The following NLGN4X variants were observed in gnomAD, a reference collection of about 807,000 sequenced individuals.
NLGN4X encodes the protein neuroligin 4 X-linked.
NLGN4X carries 3 observed loss-of-function variants against 40.3 expected under a neutral mutation model. That is an observed-to-expected ratio of 0.07 (90% CI 0.03 to 0.19). The LOEUF is 0.19. NLGN4X is among the 10% of genes least tolerant of loss of function. The pLI is 1.00. For missense variants in NLGN4X, 382 were observed against 708.3 expected (o/e 0.54, Z 5.23); for synonymous variants, 270 against 306.8 (o/e 0.88, Z 1.25).
intron 1 of NLGN4X, among the ~76,000 whole-genome samples, chrX:6,196,413 G>A (rs1049753165): frequency 8.3e-5 from 9 of 108,921 alleles, no homozygotes; most frequent in East Asian, 5.8e-4. Context: ...TTAGCCGGGC[G>A]TGGTGGCGGG....
chrX:6,037,261 G>A (rs910817836), intron 2 of NLGN4X, among the ~76,000 whole-genome samples: 1 of 108,267 alleles, frequency 9.2e-6, no homozygotes, highest in Admixed American at 1.0e-4. Context: ...AGCTGAGATC[G>A]CCCTGCTGCA....
chrX:6,043,018 G>A (rs2037216296), intron 2 of NLGN4X, among the ~76,000 whole-genome samples: 2 of 106,749 alleles, frequency 1.9e-5, no homozygotes, highest in Admixed American at 2.1e-4. Flanking sequence ...GGAGGCTGCA[G>A]TGAGCCAAGA....
At chrX:6,143,119 C>T (rs190778081) in intron 2 of NLGN4X, among the ~76,000 whole-genome samples, 14 of 112,315 alleles carry the variant, frequency 1.2e-4, no homozygotes, top group African/African-American at 4.5e-4. Flanking sequence ...TGATGCTGCA[C>T]TAACATCAGA....
At chrX:6,170,746 G>A (rs2040588816) in intron 1 of NLGN4X, among the ~76,000 whole-genome samples, 1 of 111,948 alleles carries the variant, frequency 8.9e-6, no homozygotes, top group Non-Finnish European at 1.9e-5. Context: ...AATAGTTTAT[G>A]CTATTTTTTC....
At chrX:6,140,744 A>ATT (rs36080808) in intron 2 of NLGN4X, among the ~76,000 whole-genome samples, 24,062 of 97,664 alleles carry the variant, frequency 0.25, 2,414 homozygotes, top group Admixed American at 0.28. Flanking sequence ...TGCCCAGCTA[A>ATT]TTTTTTTTTT....
chrX:6,138,037 C>A (rs866286003), intron 2 of NLGN4X, among the ~76,000 whole-genome samples: 1 of 111,770 alleles, frequency 8.9e-6, no homozygotes, highest in South Asian at 3.7e-4. Flanking sequence ...CATTCAGCAT[C>A]CGGTGGGAAA....
At chrX:6,060,820 C>T (rs1288329917) in intron 2 of NLGN4X, among the ~76,000 whole-genome samples, 1 of 111,991 alleles carries the variant, frequency 8.9e-6, no homozygotes, top group Non-Finnish European at 1.9e-5. Context: ...TCTCACCCAT[C>T]AAACTCCATC....
At chrX:6,017,116 A>G (rs891153532) in intron 3 of NLGN4X, among the ~76,000 whole-genome samples, 1 of 111,861 alleles carries the variant, frequency 8.9e-6, no homozygotes, top group African/African-American at 3.3e-5. Context: ...GTTGTTTCAA[A>G]TAAAGGAAGG....
intron 3 of NLGN4X, among the ~76,000 whole-genome samples, chrX:5,952,015 T>C (rs2034328737): frequency 8.9e-6 from 1 of 112,269 alleles, no homozygotes; most frequent in Non-Finnish European, 1.9e-5. Flanking sequence ...TTTCCAAAAA[T>C]AGAGGCAGTG....
rs746291238 is a variant in NLGN4X, at chrX:6,222,816, C to G, written c.-306+5725G>C. 3.6e-5 allele frequency among the ~76,000 whole-genome samples: 4 copies of G among 112,190 alleles called. No homozygotes were observed. In the East Asian group the frequency reaches 1.1e-3, roughly 32 times the overall value. ...CTATTCTTATGATAGTGAGTAAGTT[C>G]TCACAAGATCTGTTGATTTTATAAG... On this transcript the variant is annotated intron_variant, in intron 1 of 5. Coordinates refer to ENST00000381095, the MANE Select transcript of NLGN4X (RefSeq NM_181332.3).
At chrX:6,057,556 A>G (rs1282471582) in intron 2 of NLGN4X, among the ~76,000 whole-genome samples, 6 of 112,300 alleles carry the variant, frequency 5.3e-5, no homozygotes, top group Non-Finnish European at 1.1e-4. Flanking sequence ...ATCGTTCATC[A>G]AGCAGATTAA....
chrX:5,901,039 T>C (rs1474476106), intron 5 of NLGN4X, among the ~76,000 whole-genome samples: 1 of 112,303 alleles, frequency 8.9e-6, no homozygotes, highest in Admixed American at 9.4e-5. Flanking sequence ...GGGTCCCTCC[T>C]CTCTTCTCCT....
rs1345202698 is a variant in NLGN4X at position 5,990,234 on chromosome X, A to T, written c.625+39046T>A. 2.7e-5 allele frequency among the ~76,000 whole-genome samples: 3 copies of T among 111,305 alleles called. No homozygotes were observed. The East Asian group carries it at 8.5e-4, about 32-fold the overall frequency. ...ACTGAAAAACATTATAACTGACATAATAATGTTAAAAAGACCAAGAAAGAA... is the reference window on the plus strand; with the variant it reads ...ACTGAAAAACATTATAACTGACATATTAATGTTAAAAAGACCAAGAAAGAA... On this transcript the variant is annotated intron_variant, in intron 3 of 5. Transcript: ENST00000381095.
chrX:5,994,047 CT>C (rs1214637958), intron 3 of NLGN4X, among the ~76,000 whole-genome samples: 4 of 111,951 alleles, frequency 3.6e-5, no homozygotes, highest in Non-Finnish European at 1.9e-5. Flanking sequence ...CTCATGGCCC[CT>C]CTCCTCTTAG....
At chrX:6,119,432 A>G (rs1199695579) in intron 2 of NLGN4X, among the ~76,000 whole-genome samples, 2 of 112,412 alleles carry the variant, frequency 1.8e-5, no homozygotes, top group African/African-American at 3.2e-5. Flanking sequence ...TTCTTAATGC[A>G]AAAAGCTCAA....
At position 6,113,012 on chromosome X, in the gene NLGN4X, C is replaced by A. The variant is rs188202938; in HGVS notation, c.472+37983G>T. Among the ~76,000 whole-genome samples, 198 of 110,322 alleles carry A rather than the reference C, an allele frequency of 1.8e-3. 2 individuals carry two copies. The highest frequency in any genetic ancestry group is 6.2e-3 in the African/African-American group (187 of 30,317). ...GTATAACCATGAGAAAAACATCAGA[C>A]AAACCAAACAAGGTACCAATCCCGT... On this transcript the variant is annotated intron_variant, in intron 2 of 5. Transcript: ENST00000381095.
chrX:6,057,134 G>A (rs2037651935), intron 2 of NLGN4X, among the ~76,000 whole-genome samples: 1 of 112,116 alleles, frequency 8.9e-6, no homozygotes, highest in Non-Finnish European at 1.9e-5. Flanking sequence ...ATATCATATT[G>A]TCACAAGATC....
At chrX:6,199,110 A>G (rs774284185) in intron 1 of NLGN4X, among the ~76,000 whole-genome samples, 2 of 111,760 alleles carry the variant, frequency 1.8e-5, no homozygotes, top group Non-Finnish European at 3.8e-5. Flanking sequence ...ATTTACCTGC[A>G]GGTTTTAGTG....
intron 2 of NLGN4X, among the ~76,000 whole-genome samples, chrX:6,144,471 T>C (rs1307175735): frequency 9.0e-6 from 1 of 111,711 alleles, no homozygotes; most frequent in Non-Finnish European, 1.9e-5. Flanking sequence ...ATTTATTCTT[T>C]TACAGTTCTA....
Sources: allele counts gnomAD v4.1 joint callset (sites outside exome capture counted in the v4.1 genomes callset), GRCh38; gene constraint gnomAD v4.1.1; transcripts MANE v1.5; gene names NCBI Gene and HGNC (gene_info 2026-07-23, HGNC 2026-07-21).